The following TBL1X variants were observed in gnomAD, a reference collection of about 807,000 sequenced individuals.
The protein encoded by TBL1X is F-box-like/WD repeat-containing protein TBL1X.
In TBL1X, 10 loss-of-function variants were observed where a neutral mutation model predicts 50.7. The observed-to-expected ratio is 0.20, with a 90% CI of 0.12 to 0.33. The LOEUF (loss-of-function observed/expected upper bound fraction) is 0.33. TBL1X is among the 10% of genes least tolerant of loss of function. The pLI is 1.00. For missense variants in TBL1X, 340 were observed against 504.4 expected, an observed-to-expected ratio of 0.67 and a Z score of 3.12; for synonymous variants, 190 against 214.7, an observed-to-expected ratio of 0.88 and a Z score of 1.01.
At chrX:9,478,672 C>T (rs769760135) in intron 1 of TBL1X, among the ~76,000 whole-genome samples, 4 of 112,284 alleles carry the variant, frequency 3.6e-5, no homozygotes, top group Non-Finnish European at 7.5e-5. Context: ...GAACCATTGC[C>T]AGATTGTCAA....
At chrX:9,553,742 CTG>C (rs1292146456) in intron 2 of TBL1X, among the ~76,000 whole-genome samples, 1 of 111,968 alleles carries the variant, frequency 8.9e-6, no homozygotes, top group Non-Finnish European at 1.9e-5. Context: ...CCAAAGTTGA[CTG>C]TGGTTTTTTG....
chrX:9,648,914 T>G (rs1208342640), intron 3 of TBL1X, among the ~76,000 whole-genome samples: 2 of 112,487 alleles, frequency 1.8e-5, no homozygotes, highest in Non-Finnish European at 3.8e-5. Flanking sequence ...ATTCCCAGCC[T>G]TGTGTGTGGT....
intron 2 of TBL1X, among the ~76,000 whole-genome samples, chrX:9,634,356 A>G (rs2082735796): frequency 9.0e-6 from 1 of 111,142 alleles, no homozygotes; most frequent in South Asian, 3.8e-4. Context: ...TCCTGTACAC[A>G]TGGAAACCAC....
chrX:9,490,570 T>A (rs1271760729), intron 1 of TBL1X, among the ~76,000 whole-genome samples: 1 of 111,908 alleles, frequency 8.9e-6, no homozygotes, highest in Non-Finnish European at 1.9e-5. Flanking sequence ...TCATGCACTT[T>A]ATAGTTTGAG....
chrX:9,606,891 C>T (rs2082586344), intron 2 of TBL1X, among the ~76,000 whole-genome samples: 1 of 112,140 alleles, frequency 8.9e-6, no homozygotes. Context: ...GTTCCTTCTG[C>T]CTCAAGACAT....
intron 1 of TBL1X, among the ~76,000 whole-genome samples, chrX:9,478,562 C>T (rs1032288153): frequency 9.0e-6 from 1 of 111,637 alleles, no homozygotes; most frequent in Admixed American, 9.5e-5. Context: ...TGATAATAGG[C>T]CTTGTCCCAA....
chrX:9,554,344 C>G (rs749883215), intron 2 of TBL1X, among the ~76,000 whole-genome samples: 2 of 112,598 alleles, frequency 1.8e-5, no homozygotes, highest in East Asian at 5.5e-4. Flanking sequence ...GATACTCTAG[C>G]ATATTTTATC....
At chrX:9,572,954 C>G (rs975734894) in intron 2 of TBL1X, among the ~76,000 whole-genome samples, 18 of 112,556 alleles carry the variant, frequency 1.6e-4, no homozygotes, top group African/African-American at 5.8e-4. Flanking sequence ...ATCTGTATTA[C>G]CTGTAGCAGT....
chrX:9,668,144 C>T, intron 5 of TBL1X, among the ~76,000 whole-genome samples: 1 of 111,000 alleles, frequency 9.0e-6, no homozygotes. Context: ...TGTATGTTAT[C>T]ATTAATAATT....
chrX:9,708,321 C>T (rs900652894), intron 13 of TBL1X, among the ~76,000 whole-genome samples: 1 of 112,353 alleles, frequency 8.9e-6, no homozygotes, highest in Middle Eastern at 4.6e-3. Context: ...CTGGCTGTGC[C>T]GATCACGAGC....
chrX:9,581,503 T>G (rs1262632951), intron 2 of TBL1X, among the ~76,000 whole-genome samples: 6 of 111,246 alleles, frequency 5.4e-5, no homozygotes, highest in Non-Finnish European at 1.1e-4. Flanking sequence ...CAGGGGACAT[T>G]GACAATGTCT....
At chrX:9,485,027 G>A (rs1040810352) in intron 1 of TBL1X, among the ~76,000 whole-genome samples, 4 of 110,751 alleles carry the variant, frequency 3.6e-5, no homozygotes, top group African/African-American at 1.3e-4. Flanking sequence ...GTTTGAGGCT[G>A]CAGTGAGCTG....
intron 2 of TBL1X, among the ~76,000 whole-genome samples, chrX:9,615,477 C>T (rs1042116578): frequency 3.6e-5 from 4 of 112,344 alleles, no homozygotes; most frequent in Non-Finnish European, 7.5e-5. Context: ...CTAAGACAAT[C>T]ACACACTCGA....
At chrX:9,496,072 A>C (rs775555133) in intron 1 of TBL1X, among the ~76,000 whole-genome samples, 2 of 112,813 alleles carry the variant, frequency 1.8e-5, no homozygotes, top group African/African-American at 6.4e-5. Context: ...GATAGTGTGT[A>C]TACACAATAC....
chrX:9,531,832 A>G (rs769043710), intron 2 of TBL1X, among the ~76,000 whole-genome samples: 40 of 110,169 alleles, frequency 3.6e-4, no homozygotes, highest in Non-Finnish European at 6.8e-4. Context: ...TCCTGGGTTC[A>G]AGTGATTCTC....
At chrX:9,550,470 T>C (rs2082265326) in intron 2 of TBL1X, among the ~76,000 whole-genome samples, 2 of 112,279 alleles carry the variant, frequency 1.8e-5, no homozygotes, top group Admixed American at 9.4e-5. Flanking sequence ...TCCCTTGATT[T>C]CAGGCTTTTG....
intron 2 of TBL1X, among the ~76,000 whole-genome samples, chrX:9,566,531 G>T (rs943176428): frequency 4.5e-5 from 5 of 111,717 alleles, no homozygotes; most frequent in Admixed American, 3.8e-4. Flanking sequence ...CTGGCTCTTG[G>T]CCCGGTTAAT....
At chrX:9,536,010 C>T (rs1048880271) in intron 2 of TBL1X, among the ~76,000 whole-genome samples, 16 of 111,760 alleles carry the variant, frequency 1.4e-4, no homozygotes, top group African/African-American at 4.9e-4. Context: ...ATGTGGGCTG[C>T]GGCACATGAA....
chrX:9,684,404 G>A (rs914382245), intron 6 of TBL1X, among the ~76,000 whole-genome samples: 7 of 109,770 alleles, frequency 6.4e-5, no homozygotes, highest in African/African-American at 2.3e-4. Context: ...GGACAACATG[G>A]TGTAACAGCA....
Sources: gnomAD v4.1 joint callset for allele counts (sites outside exome capture counted in the v4.1 genomes callset) on GRCh38, gnomAD v4.1.1 for gene constraint, MANE v1.5 for transcripts, NCBI Gene and HGNC (gene_info 2026-07-23, HGNC 2026-07-21) for gene names.